The following DNAH7 variants were observed in gnomAD, a reference collection of about 807,000 sequenced individuals.
DNAH7 encodes the protein axonemal beta dynein heavy chain 7.
Under a neutral mutation model 444.6 loss-of-function variants are expected in DNAH7, and 397 were observed. The ratio of observed to expected loss-of-function variants is 0.89; its 90% confidence interval spans 0.82 to 0.97. DNAH7 has a LOEUF of 0.97. Among genes scored for constraint, DNAH7 ranks in the 50% least tolerant of loss-of-function variants. The pLI is 0.00. For missense variants in DNAH7, 4,902 were observed against 4,800.8 expected, an observed-to-expected ratio of 1.02 and a Z score of -0.62; for synonymous variants, 1,636 against 1,624.4, an observed-to-expected ratio of 1.01 and a Z score of -0.17.
chr2:195,926,638 C>T, intron 21 of DNAH7, 72 bp from the exon 22 acceptor site: 2 of 1,347,932 alleles, frequency 1.5e-6, no homozygotes, highest in Non-Finnish European at 2.0e-6. Context: ...CTAAACTAAA[C>T]TAGATTAATT....
intron 27 of DNAH7, chr2:195,903,381 T>TC (rs1396788690): frequency 6.6e-6 from 1 of 151,054 alleles, no homozygotes; most frequent in African/African-American, 2.4e-5. Context: ...TTTGTTTTTT[T>TC]CCCCTCAATA....
chr2:195,845,106 A>G lies in DNAH7; in HGVS notation c.8841T>C (p.Asp2947=). The G allele has an allele frequency of 6.2e-7, 1 of 1,613,916 alleles. No homozygotes were observed. Residue 2947 remains aspartate, a synonymous_variant, in exon 47 of 65, where the codon GAT becomes GAC. Coordinates refer to ENST00000312428, the MANE Select transcript of DNAH7 (RefSeq NM_018897.3). Reference sequence around the variant, plus strand: ...CTCCCAGGGTACCCATAAGAGAGCAATCATCTGAGCAGGGGATATCTCTTC... The same window carrying G: ...CTCCCAGGGTACCCATAAGAGAGCAGTCATCTGAGCAGGGGATATCTCTTC... The part of the protein sequence containing the change: ...CKGRDIPCSD[D]CSLMGTLGEA...
chr2:195,800,199 C>A (rs1379724953), intron 54 of DNAH7, among the ~76,000 whole-genome samples: 1 of 152,118 alleles, frequency 6.6e-6, no homozygotes, highest in Non-Finnish European at 1.5e-5. Context: ...TCCCATTAGG[C>A]CTCTCCTCCC....
At chr2:195,969,911 G>C in intron 17 of DNAH7, 37 bp downstream of exon 17, 2 of 1,579,658 alleles carry the variant, frequency 1.3e-6, no homozygotes, top group African/African-American at 2.7e-5. Context: ...TTTTTCAATT[G>C]AACTAATTCA....
chr2:195,857,343 C>T (rs780715787), intron 44 of DNAH7, 34 bp downstream of exon 44: 1 of 1,493,162 alleles, frequency 6.7e-7, no homozygotes, highest in Admixed American at 2.2e-5. Context: ...GAAGACAGAC[C>T]ATACCAGCTG....
chr2:196,016,430 G>A (rs960454984), intron 9 of DNAH7, among the ~76,000 whole-genome samples: 1 of 152,136 alleles, frequency 6.6e-6, no homozygotes, highest in Non-Finnish European at 1.5e-5. Flanking sequence ...AAAACATGGG[G>A]CAATGAAGTA....
intron 33 of DNAH7, 24 bp downstream of exon 33, chr2:195,888,234 T>C: frequency 1.3e-6 from 2 of 1,569,548 alleles, no homozygotes; most frequent in Non-Finnish European, 8.6e-7. Context: ...TATTTTTTAA[T>C]CTTAAAATTC....
intron 5 of DNAH7, among the ~76,000 whole-genome samples, chr2:196,034,395 G>A (rs930561240): frequency 1.3e-5 from 2 of 152,132 alleles, no homozygotes; most frequent in Non-Finnish European, 2.9e-5. Context: ...TAAATAAGTG[G>A]AGAGAAATAA....
At position 195,809,760 on chromosome 2, in the gene DNAH7, CAGT is replaced by C. The variant is rs775813899; in HGVS notation, c.9870_9872del (p.Leu3292del). ...CAGTACTGACCGCCCGCTCATGCAG[CAGT>C]AGATTTATGGTTAGACAAAAGGAAA... On this transcript the variant is annotated inframe_deletion, in exon 52 of 65. Coordinates refer to ENST00000312428, the MANE Select transcript of DNAH7 (RefSeq NM_018897.3). The C allele has an allele frequency of 4.4e-6, 7 of 1,592,476 alleles. No individual in the cohort carries two copies. Among genetic ancestry groups the C allele is most frequent in the African/African-American group, 1.3e-5 (1 of 74,110 alleles).
At chr2:195,942,868 C>T (rs1689552968) in intron 19 of DNAH7, among the ~76,000 whole-genome samples, 1 of 152,038 alleles carries the variant, frequency 6.6e-6, no homozygotes. Flanking sequence ...GAACTGCAGC[C>T]CAAACTCCCA....
chr2:195,979,511 A>C (rs1559297585), intron 15 of DNAH7, among the ~76,000 whole-genome samples: 1 of 152,084 alleles, frequency 6.6e-6, no homozygotes, highest in East Asian at 1.9e-4. Flanking sequence ...CAAGTGGCTA[A>C]ATTAAAAAGT....
rs1691047673 is a variant in DNAH7 at position 195,960,881 on chromosome 2, T to C, written c.2270A>G (p.Lys757Arg). Residue 757 changes from lysine to arginine, a missense_variant, in exon 18 of 65, where the codon AAA becomes AGA. Coordinates refer to ENST00000312428, the MANE Select transcript of DNAH7 (RefSeq NM_018897.3). ...AGGGTTCAAGCCATCTTGGATTTTT[T>C]TACGTTGAGGATATACAGATGGTAG... ...GWLPSVYPQR[K>R]KIQDGLNPYL... 6.2e-7 allele frequency: 1 copy of C among 1,613,792 alleles called. No individual in the cohort carries two copies. The highest frequency in any genetic ancestry group is 8.5e-7 in the Non-Finnish European group (1 of 1,179,954).
chr2:195,998,839 C>T (rs576118146), intron 12 of DNAH7: 23 of 363,528 alleles, frequency 6.3e-5, no homozygotes, highest in Non-Finnish European at 1.1e-4. Context: ...CATAAATATG[C>T]CAGGATAATA....
At chr2:195,844,050 C>G (rs1194712891) in intron 47 of DNAH7, among the ~76,000 whole-genome samples, 1 of 151,880 alleles carries the variant, frequency 6.6e-6, no homozygotes, top group Non-Finnish European at 1.5e-5. Context: ...GAGCCAAGAT[C>G]GCACCACTGC....
At chr2:195,903,506 C>G (rs537109197) in intron 27 of DNAH7, 1 of 152,118 alleles carries the variant, frequency 6.6e-6, no homozygotes, top group South Asian at 2.1e-4. Flanking sequence ...ACAAACTATT[C>G]TAAAATGATC....
chr2:195,875,757 G>T lies in DNAH7; in HGVS notation c.6204C>A (p.Asp2068Glu). The T allele has an allele frequency of 6.2e-7, 1 of 1,613,820 alleles. No homozygotes were observed. Among genetic ancestry groups the T allele is most frequent in the Non-Finnish European group, 8.5e-7 (1 of 1,179,898 alleles). Reference protein sequence around the residue: ...PPIELLRQWLDHWNWYDLKDC... With the variant: ...PPIELLRQWLEHWNWYDLKDC... ...CTTTTAGATCATACCAGTTCCAGTG[G>T]TCTAACCACTGTCTAAGTAACTCAA... Residue 2068 changes from aspartate to glutamate, a missense_variant, in exon 38 of 65, where the codon GAC becomes GAA. Transcript: ENST00000312428.
rs377574035 is a variant in DNAH7, at chr2:195,861,687, T to G, written c.7736+30A>C. ...CACAAGTATTTTTAATTGCCATAGCTTACTTAGAAATATGAAATTTGATTT... is the reference window on the plus strand; with the variant it reads ...CACAAGTATTTTTAATTGCCATAGCGTACTTAGAAATATGAAATTTGATTT... On this transcript the variant is annotated intron_variant, in intron 42 of 64. Transcript: ENST00000312428. 2.4e-5 allele frequency: 36 copies of G among 1,508,438 alleles called. No homozygotes were observed. In the African/African-American group the frequency reaches 5.0e-4, roughly 21 times the overall value. 93.4% of individuals were successfully genotyped at this position (1,508,438 alleles called of 1,614,324 possible).
chr2:196,010,147 C>T (rs1054057789), intron 10 of DNAH7, among the ~76,000 whole-genome samples: 7 of 151,090 alleles, frequency 4.6e-5, no homozygotes, highest in African/African-American at 7.3e-5. Flanking sequence ...TCTTCTTTCT[C>T]TCTCTTTTTT....
chr2:195,943,133 T>C (rs764673132), intron 19 of DNAH7, among the ~76,000 whole-genome samples: 1 of 152,152 alleles, frequency 6.6e-6, no homozygotes, highest in Non-Finnish European at 1.5e-5. Context: ...CTTTCCACCA[T>C]GATTGTGAGG....
Sources: allele counts gnomAD v4.1 joint callset (sites outside exome capture counted in the v4.1 genomes callset), GRCh38; gene constraint gnomAD v4.1.1; transcripts MANE v1.5; gene names NCBI Gene and HGNC (gene_info 2026-07-23, HGNC 2026-07-21).